Variants in HNRNPC observed in about 807,000 individuals in gnomAD.
HNRNPC encodes the protein heterogeneous nuclear ribonucleoproteins C1/C2.
Under a neutral mutation model 33.2 loss-of-function variants are expected in HNRNPC, and 3 were observed. That is an observed-to-expected ratio of 0.09 (90% CI 0.04 to 0.23). The LOEUF (loss-of-function observed/expected upper bound fraction) is 0.23. Ranked by LOEUF, HNRNPC falls within the 10% of genes least tolerant of loss-of-function variation. The probability of loss-of-function intolerance (pLI) is 1.00; values close to 1 mark genes in which losing one functional copy is unlikely to be tolerated. For synonymous variants in HNRNPC, 121 were observed against 126.7 expected (o/e 0.96, Z 0.30); for missense variants, 143 against 366.7 (o/e 0.39, Z 4.98).
chr14:21,245,339 T>C (rs1424413347), intron 2 of HNRNPC, among the ~76,000 whole-genome samples: 1 of 149,806 alleles, frequency 6.7e-6, no homozygotes, highest in Non-Finnish European at 1.5e-5. Context: ...CTACTAAAAA[T>C]ACAAAAATTA....
At chr14:21,227,506 G>A (rs1384760185) in intron 5 of HNRNPC, among the ~76,000 whole-genome samples, 2 of 152,136 alleles carry the variant, frequency 1.3e-5, no homozygotes, top group African/African-American at 2.4e-5. Flanking sequence ...GTATCGGCTG[G>A]TGCAAAAATA....
At chr14:21,221,360 C>T (rs1892806920) in intron 5 of HNRNPC, among the ~76,000 whole-genome samples, 1 of 152,200 alleles carries the variant, frequency 6.6e-6, no homozygotes, top group Non-Finnish European at 1.5e-5. Context: ...GCATTCTAGA[C>T]CTGCACTATC....
intron 7 of HNRNPC, 67 bp downstream of exon 7, chr14:21,211,743 T>C (rs1440409446): frequency 2.0e-6 from 3 of 1,469,046 alleles, no homozygotes; most frequent in Non-Finnish European, 2.8e-6. Flanking sequence ...TATTCCAACA[T>C]GTACTTTCAA....
intron 5 of HNRNPC, among the ~76,000 whole-genome samples, chr14:21,225,049 G>A (rs996929234): frequency 6.6e-6 from 1 of 152,058 alleles, no homozygotes; most frequent in Non-Finnish European, 1.5e-5. Context: ...CCAAGTCTCC[G>A]CTGTCATAAT....
chr14:21,213,348 G>A (rs1213087804), intron 5 of HNRNPC: 1 of 479,104 alleles, frequency 2.1e-6, no homozygotes, highest in Non-Finnish European at 3.7e-6. Flanking sequence ...TTTTCCTCAG[G>A]AAAATAAAAC....
At chr14:21,239,680 C>T (rs2139697988) in intron 2 of HNRNPC, among the ~76,000 whole-genome samples, 1 of 152,184 alleles carries the variant, frequency 6.6e-6, no homozygotes, top group East Asian at 1.9e-4. Context: ...TCGAGACCAG[C>T]CTGGGCAACA....
chr14:21,236,112 G>A (rs745529727), intron 2 of HNRNPC, among the ~76,000 whole-genome samples: 7 of 152,038 alleles, frequency 4.6e-5, no homozygotes, highest in Non-Finnish European at 8.8e-5. Context: ...CAAGATGCAA[G>A]GAATTCATAC....
At chr14:21,256,971 G>A (rs906517361) in intron 2 of HNRNPC, among the ~76,000 whole-genome samples, 2 of 152,024 alleles carry the variant, frequency 1.3e-5, no homozygotes, top group African/African-American at 4.8e-5. Flanking sequence ...TTTTCTAATA[G>A]GCCAAAGGTG....
chr14:21,230,689 T>C, intron 4 of HNRNPC: 1 of 479,542 alleles, frequency 2.1e-6, no homozygotes, highest in Non-Finnish European at 3.7e-6. Flanking sequence ...TCTAGTGTCT[T>C]AGAAGCTCAA....
chr14:21,227,306 G>A (rs1283103542), intron 5 of HNRNPC, among the ~76,000 whole-genome samples: 1 of 152,108 alleles, frequency 6.6e-6, no homozygotes, highest in Non-Finnish European at 1.5e-5. Context: ...TTCCCATCAT[G>A]TGGACACCTC....
intron 3 of HNRNPC, 123 bp downstream of exon 3, chr14:21,233,830 G>T: frequency 8.3e-7 from 1 of 1,208,522 alleles, no homozygotes; most frequent in Middle Eastern, 2.0e-4. Context: ...TTTTTATTAG[G>T]CTAAACAGTC....
At chr14:21,247,843 C>T (rs1442143727) in intron 2 of HNRNPC, among the ~76,000 whole-genome samples, 1 of 151,264 alleles carries the variant, frequency 6.6e-6, no homozygotes, top group Non-Finnish European at 1.5e-5. Flanking sequence ...AAAAATTAGC[C>T]AAGCATGGTG....
chr14:21,211,644 A>T (rs1891618152), intron 7 of HNRNPC, 78 bp from the exon 8 acceptor site: 3 of 1,506,574 alleles, frequency 2.0e-6, no homozygotes, highest in Non-Finnish European at 1.8e-6. Flanking sequence ...AGGATCACAG[A>T]ACTGCAGCAC....
intron 6 of HNRNPC, among the ~76,000 whole-genome samples, chr14:21,212,340 CAGG>C (rs1193119086): frequency 2.6e-5 from 4 of 152,020 alleles, no homozygotes; most frequent in Non-Finnish European, 4.4e-5. Flanking sequence ...TTTCCAGTTA[CAGG>C]AGGAGTTCAA....
intron 2 of HNRNPC, among the ~76,000 whole-genome samples, chr14:21,255,982 CA>C (rs1301803618): frequency 6.6e-6 from 1 of 152,104 alleles, no homozygotes; most frequent in East Asian, 1.9e-4. Flanking sequence ...AAAGTGGAAA[CA>C]TATCCAATGT....
rs571076219 is a variant in HNRNPC at position 21,237,016 on chromosome 14, T to C, written c.-36-2787A>G. On this transcript the variant is annotated intron_variant, in intron 2 of 8. Coordinates refer to ENST00000553300, the MANE Select transcript of HNRNPC (RefSeq NM_004500.4). Reference sequence around the variant, plus strand: ...AGAATACCAAAATAACCAGCAGTTATTTATTGAAAAGCAACAGGAACGAAA... The same window carrying C: ...AGAATACCAAAATAACCAGCAGTTACTTATTGAAAAGCAACAGGAACGAAA... Among the ~76,000 whole-genome samples the C allele has an allele frequency of 3.1e-3, 471 of 152,344 alleles. 4 individuals carry two copies. Among genetic ancestry groups the C allele is most frequent in the African/African-American group, 9.0e-3 (374 of 41,576 alleles).
At chr14:21,247,485 ATT>A (rs1192799672) in intron 2 of HNRNPC, among the ~76,000 whole-genome samples, 1 of 152,156 alleles carries the variant, frequency 6.6e-6, no homozygotes, top group African/African-American at 2.4e-5. Flanking sequence ...GTCCTACATT[ATT>A]TTTTGTACCC....
chr14:21,221,484 T>A (rs764697447), intron 5 of HNRNPC, among the ~76,000 whole-genome samples: 13 of 152,192 alleles, frequency 8.5e-5, no homozygotes, highest in Non-Finnish European at 1.3e-4. Flanking sequence ...TTATATGTAA[T>A]TACCAGAGTC....
At chr14:21,233,131 C>A (rs1314717712) in intron 3 of HNRNPC, among the ~76,000 whole-genome samples, 1 of 151,832 alleles carries the variant, frequency 6.6e-6, no homozygotes, top group Non-Finnish European at 1.5e-5. Flanking sequence ...ATTTACAATT[C>A]TGACTTTGAA....
Sources: allele counts gnomAD v4.1 joint callset (sites outside exome capture counted in the v4.1 genomes callset), GRCh38; gene constraint gnomAD v4.1.1; transcripts MANE v1.5; gene names NCBI Gene and HGNC (gene_info 2026-07-23, HGNC 2026-07-21).